The following ALPK3 variants were observed in gnomAD, a reference collection of about 807,000 sequenced individuals.
ALPK3 encodes alpha kinase 3.
Under a neutral mutation model 140.0 loss-of-function variants are expected in ALPK3, and 102 were observed. The ratio of observed to expected loss-of-function variants is 0.73; its 90% confidence interval spans 0.62 to 0.86. ALPK3 has a LOEUF of 0.86. ALPK3 is among the 40% of genes least tolerant of loss of function. ALPK3 has a pLI of 0.00. For synonymous variants in ALPK3, 938 were observed against 898.5 expected (o/e 1.04, Z -0.79); for missense variants, 2,254 against 2,208.2 (o/e 1.02, Z -0.42).
chr15:84,870,137 A>G lies in ALPK3; in HGVS notation c.*1681A>G, dbSNP rs1308395056. On this transcript the variant is annotated 3_prime_UTR_variant, in exon 14 of 14. Transcript: ENST00000258888. Reference sequence around the variant, plus strand: ...CCTGCCTCTCAGCTACTTGCTGACCATTTCCTGCTTCTCAAGCTGCAGAGA... The same window carrying G: ...CCTGCCTCTCAGCTACTTGCTGACCGTTTCCTGCTTCTCAAGCTGCAGAGA... 1.3e-5 allele frequency: 2 copies of G among 152,042 alleles called. No homozygotes were observed. Among genetic ancestry groups the G allele is most frequent in the East Asian group, 3.9e-4 (2 of 5,166 alleles). The allele number at this position is 152,042 out of a possible 1,614,324, so 9.4% of individuals were successfully genotyped here.
chr15:84,827,905 T>C (rs1376589465), intron 3 of ALPK3, among the ~76,000 whole-genome samples: 1 of 152,226 alleles, frequency 6.6e-6, no homozygotes, highest in Non-Finnish European at 1.5e-5. Flanking sequence ...AGAAAAGAAG[T>C]ACTCCAATGG....
At chr15:84,833,309 G>A (rs568745079) in intron 3 of ALPK3, among the ~76,000 whole-genome samples, 1 of 152,234 alleles carries the variant, frequency 6.6e-6, no homozygotes, top group East Asian at 1.9e-4. Context: ...CCTGAGTTTT[G>A]TGTAGCACAT....
Position 84,845,122 on chromosome 15 carries a change from C to T in ALPK3, c.1653+4190C>T, listed in dbSNP as rs534941321. 4.0e-5 allele frequency among the ~76,000 whole-genome samples: 6 copies of T among 150,278 alleles called. No homozygotes were observed. In the East Asian group the frequency reaches 5.9e-4, roughly 15 times the overall value. ...AGAACTCAAAGTACCACTGAACCTACGGTGTTTACTTTTTTTTTTTTTCCC... is the reference window on the plus strand; with the variant it reads ...AGAACTCAAAGTACCACTGAACCTATGGTGTTTACTTTTTTTTTTTTTCCC... On this transcript the variant is annotated intron_variant, in intron 5 of 13. Coordinates refer to ENST00000258888, the MANE Select transcript of ALPK3 (RefSeq NM_020778.5).
chr15:84,856,489 TC>T lies in ALPK3; in HGVS notation c.1752del (p.Ile585LeufsTer77). 6.2e-7 allele frequency: 1 copy of T among 1,614,088 alleles called. No homozygotes were observed. Among genetic ancestry groups the T allele is most frequent in the South Asian group, 1.1e-5 (1 of 91,062 alleles). ...GTTAGCACTTCCGGAAGTCAAGGTATCATTGAACCCATGGATATGGAAACCC... is the reference window on the plus strand; with the variant it reads ...GTTAGCACTTCCGGAAGTCAAGGTATATTGAACCCATGGATATGGAAACCC... ...IGVSTSGSQG[I>X]IEPMDMETQE... On this transcript the variant is annotated frameshift_variant, in exon 6 of 14. Coordinates refer to ENST00000258888, the MANE Select transcript of ALPK3 (RefSeq NM_020778.5). LOFTEE classifies it high-confidence loss of function.
Position 84,868,518 on chromosome 15 carries a change from G to A in ALPK3, c.*62G>A. 1 of 1,445,896 alleles carries A rather than the reference G, an allele frequency of 6.9e-7. No homozygotes were observed. The highest frequency in any genetic ancestry group is 9.3e-7 in the Non-Finnish European group (1 of 1,080,456). The allele number at this position is 1,445,896 out of a possible 1,614,324, so 89.6% of individuals were successfully genotyped here. ...ACCAACCAGGAAGCAGCTTGAACTG[G>A]ATGGAGACTTTCCAAATATGGAACT... On this transcript the variant is annotated 3_prime_UTR_variant, in exon 14 of 14. Coordinates refer to ENST00000258888, the MANE Select transcript of ALPK3 (RefSeq NM_020778.5).
intron 5 of ALPK3, among the ~76,000 whole-genome samples, chr15:84,844,539 T>A (rs1372130761): frequency 6.6e-6 from 1 of 152,130 alleles, no homozygotes; most frequent in Non-Finnish European, 1.5e-5. Context: ...GATTGCAAAT[T>A]TCACCAAATA....
At chr15:84,858,879 C>T (rs1963903011) in intron 6 of ALPK3, among the ~76,000 whole-genome samples, 1 of 152,208 alleles carries the variant, frequency 6.6e-6, no homozygotes, top group Non-Finnish European at 1.5e-5. Context: ...TCCCCCTTTA[C>T]AGAGATGTCG....
At chr15:84,818,721 G>A (rs146649391) in intron 1 of ALPK3, among the ~76,000 whole-genome samples, 4 of 152,320 alleles carry the variant, frequency 2.6e-5, no homozygotes, top group African/African-American at 9.6e-5. Context: ...AACCGGAACC[G>A]GTTTCTGCAT....
At chr15:84,852,508 C>T (rs559355596) in intron 5 of ALPK3, 6 of 270,886 alleles carry the variant, frequency 2.2e-5, no homozygotes, top group Non-Finnish European at 4.3e-5. Flanking sequence ...TCTTATATCT[C>T]CCCAGGAAAA....
At chr15:84,859,474 A>G in intron 7 of ALPK3, 84 bp downstream of exon 7, 5 of 1,519,304 alleles carry the variant, frequency 3.3e-6, no homozygotes, top group Non-Finnish European at 3.6e-6. Context: ...CTTTGAACCT[A>G]TCGCCTCATT....
rs1442415236 is a variant in ALPK3 at position 84,870,486 on chromosome 15, A to G, written c.*2030A>G. 6.6e-6 allele frequency: 1 copy of G among 152,240 alleles called. No individual in the cohort carries two copies. The highest frequency in any genetic ancestry group is 6.5e-5 in the Admixed American group (1 of 15,290). The allele number at this position is 152,240 out of a possible 1,614,324, so 9.4% of individuals were successfully genotyped here. A position where few individuals can be genotyped will look rare whatever the true frequency, so the allele number is the denominator to read the frequency against. On this transcript the variant is annotated 3_prime_UTR_variant, in exon 14 of 14. Coordinates refer to ENST00000258888, the MANE Select transcript of ALPK3 (RefSeq NM_020778.5). ...GAGAGACTACTTGTTAGGATTCTTGAGTTTTGACCAACAGAAATGAACTTG... is the reference window on the plus strand; with the variant it reads ...GAGAGACTACTTGTTAGGATTCTTGGGTTTTGACCAACAGAAATGAACTTG...
intron 2 of ALPK3, 76 bp from the exon 3 acceptor site, chr15:84,827,408 A>T: frequency 6.3e-7 from 1 of 1,586,640 alleles, no homozygotes; most frequent in African/African-American, 1.3e-5. Flanking sequence ...GTAAGACGGA[A>T]GCTGCCTTGG....
intron 5 of ALPK3, among the ~76,000 whole-genome samples, chr15:84,844,432 T>C: frequency 6.6e-6 from 1 of 152,090 alleles, no homozygotes; most frequent in Non-Finnish European, 1.5e-5. Context: ...AGAAAGAAAT[T>C]GGCCCACAGG....
chr15:84,859,793 C>T lies in ALPK3; in HGVS notation c.3983C>T (p.Pro1328Leu), dbSNP rs371508067. 18 of 1,612,740 alleles carry T rather than the reference C, an allele frequency of 1.1e-5. No individual in the cohort carries two copies. In the East Asian group the frequency reaches 1.6e-4, roughly 14 times the overall value. ...EVGRSAGDEG[P>L]AALAIVQASP... ...CTCTGCAGCGCAGGGGATGAGGGGC[C>T]GGCGGCCTTGGCCATCGTGCAGGCC... The change falls in exon 8 of 14, where the codon CCG becomes CTG. Residue 1328 changes from proline (P) to leucine (L), a missense_variant. Transcript: ENST00000258888.
chr15:84,856,827 A>AGGATGCAGGGAGAGAAGG lies in ALPK3; in HGVS notation c.2111_2128dup (p.Met704_Gly709dup), dbSNP rs759322802. 1.2e-5 allele frequency: 20 copies of AGGATGCAGGGAGAGAAGG among 1,613,954 alleles called. No homozygotes were observed. The highest frequency in any genetic ancestry group is 4.0e-5 in the African/African-American group (3 of 74,888). ...AGATAAGGGCACACAGGAAGACAGA[A>AGGATGCAGGGAGAGAAGG]GGATGCAGGGAGAGAAGGGGATGCA... On this transcript the variant is annotated inframe_insertion, in exon 6 of 14. Coordinates refer to ENST00000258888, the MANE Select transcript of ALPK3 (RefSeq NM_020778.5).
intron 2 of ALPK3, 63 bp from the exon 3 acceptor site, chr15:84,827,421 A>G: frequency 6.2e-7 from 1 of 1,603,080 alleles, no homozygotes; most frequent in South Asian, 1.1e-5. Flanking sequence ...TGCCTTGGAC[A>G]GGCCAGGCTG....
intron 2 of ALPK3, among the ~76,000 whole-genome samples, 198 bp downstream of exon 2, chr15:84,823,566 C>A (rs933756565): frequency 2.0e-5 from 3 of 151,978 alleles, no homozygotes; most frequent in Non-Finnish European, 4.4e-5. Flanking sequence ...CTTGCATGGG[C>A]CATTTGAGAT....
At position 84,868,216 on chromosome 15, in the gene ALPK3, G is replaced by A. The variant is rs944383303; in HGVS notation, c.4878G>A (p.Lys1626=). ...YCELLGLTPL[K]GPEAAHPQAK... ...AGCTGCTGGGGCTGACACCTCTCAA[G>A]GGCCCGGAGGCGGCCCACCCCCAAG... The change falls in exon 14 of 14, where the codon AAG becomes AAA. Residue 1626 remains lysine (K), a synonymous_variant. Transcript: ENST00000258888. 6.2e-7 allele frequency: 1 copy of A among 1,614,064 alleles called. No homozygotes were observed. The highest frequency in any genetic ancestry group is 1.3e-5 in the African/African-American group (1 of 74,926).
intron 1 of ALPK3, among the ~76,000 whole-genome samples, chr15:84,822,545 G>T (rs962825138): frequency 1.3e-5 from 2 of 152,120 alleles, no homozygotes; most frequent in African/African-American, 4.8e-5. Context: ...TCAAGGAGCT[G>T]GGATCCAGGT....
Sources: gnomAD v4.1 joint callset for allele counts (sites outside exome capture counted in the v4.1 genomes callset) on GRCh38, gnomAD v4.1.1 for gene constraint, MANE v1.5 for transcripts, NCBI Gene and HGNC (gene_info 2026-07-23, HGNC 2026-07-21) for gene names.